Variants in ATAD2 observed in about 807,000 individuals in gnomAD.
The protein encoded by ATAD2 is ATPase family AAA domain containing 2, also known as ATPase family AAA domain-containing protein 2.
In ATAD2, 62 loss-of-function variants were observed where a neutral mutation model predicts 168.9. That is an observed-to-expected ratio of 0.37 (90% CI 0.30 to 0.45). The LOEUF is 0.45. ATAD2 is among the 20% of genes least tolerant of loss of function. The pLI, the probability that ATAD2 is intolerant of heterozygous loss-of-function variation, is 1.00. For synonymous variants in ATAD2, 613 were observed against 571.6 expected (o/e 1.07, Z -1.03); for missense variants, 1,419 against 1,667.8 (o/e 0.85, Z 2.60).
intron 8 of ATAD2, among the ~76,000 whole-genome samples, chr8:123,367,025 A>C (rs1295850281): frequency 6.6e-6 from 1 of 152,192 alleles, no homozygotes; most frequent in East Asian, 1.9e-4. Flanking sequence ...TTAAACACAC[A>C]TATCTGTCTA....
chr8:123,331,052 GGCTGGGATTACAGGAGGA>G (rs1242684855), intron 24 of ATAD2, among the ~76,000 whole-genome samples: 5 of 152,102 alleles, frequency 3.3e-5, no homozygotes, highest in African/African-American at 7.2e-5. Context: ...GTCCCTTGAG[GGCTGGGATTACAGGAGGA>G]GCTGGGATTA....
At position 123,347,103 on chromosome 8, in the gene ATAD2, G is replaced by A. The variant is rs1383264903; in HGVS notation, c.2201C>T (p.Thr734Ile). Reference protein sequence around the residue: ...FPHAEFRTNKTLDSDISCPLL... With the variant: ...FPHAEFRTNKILDSDISCPLL... ...ATCAAGTTTTATACCTGAGTCTAAT[G>A]TTTTATTTGTTCTGAATTCTGCATG... The change falls in exon 16 of 28, where the codon ACA (threonine) becomes ATA (isoleucine). Residue 734 changes from threonine (T) to isoleucine (I), a missense_variant. Transcript: ENST00000287394. 6.2e-7 allele frequency: 1 copy of A among 1,609,568 alleles called. No homozygotes were observed. Among genetic ancestry groups the A allele is most frequent in the Non-Finnish European group, 8.5e-7 (1 of 1,177,098 alleles).
chr8:123,340,244 G>T (rs1182057171), intron 19 of ATAD2, among the ~76,000 whole-genome samples: 1 of 152,004 alleles, frequency 6.6e-6, no homozygotes, highest in Non-Finnish European at 1.5e-5. Context: ...AACCCCAAAT[G>T]AGATATAAGA....
At chr8:123,360,801 C>G (rs531013070) in intron 9 of ATAD2, among the ~76,000 whole-genome samples, 1 of 152,246 alleles carries the variant, frequency 6.6e-6, no homozygotes, top group African/African-American at 2.4e-5. Context: ...AATCCTTGCT[C>G]TATCTCCCTT....
intron 24 of ATAD2, among the ~76,000 whole-genome samples, chr8:123,333,080 C>G (rs1334036149): frequency 6.6e-6 from 1 of 151,752 alleles, no homozygotes; most frequent in Non-Finnish European, 1.5e-5. Flanking sequence ...AACACACACA[C>G]AGAGATCTAA....
intron 1 of ATAD2, among the ~76,000 whole-genome samples, chr8:123,411,815 G>C (rs1480681411): frequency 6.6e-6 from 1 of 151,648 alleles, no homozygotes; most frequent in Non-Finnish European, 1.5e-5. Context: ...GCTTATAATA[G>C]AAAGTTTAGA....
At chr8:123,383,773 C>CA (rs766321394) in intron 1 of ATAD2, among the ~76,000 whole-genome samples, 3,541 of 130,768 alleles carry the variant, frequency 0.027, 53 homozygotes, top group Middle Eastern at 0.074. Flanking sequence ...AATTCAGTCT[C>CA]AAAAAAAAAA....
chr8:123,398,855 A>G (rs1812960957), upstream of ATAD2, among the ~76,000 whole-genome samples: 1 of 152,246 alleles, frequency 6.6e-6, no homozygotes, highest in African/African-American at 2.4e-5. Context: ...CAATAGAAAA[A>G]AACTTTAAAA....
chr8:123,359,676 T>C lies in ATAD2; in HGVS notation c.1167A>G (p.Pro389=), dbSNP rs758238646. 1 of 1,611,542 alleles carries C rather than the reference T, an allele frequency of 6.2e-7. No homozygotes were observed. Among genetic ancestry groups the C allele is most frequent in the Admixed American group, 1.7e-5 (1 of 59,660 alleles). The change falls in exon 10 of 28, where the codon CCA becomes CCG. Residue 389 remains proline, a synonymous_variant. Transcript: ENST00000287394. The part of the protein sequence containing the change: ...SRNRAINRCL[P]LNFRKDELKG... ...TTAATTCATCTTTCCGAAAATTTAG[T>C]GGGAGGCACCTATTTAAAAAGATTT...
intron 7 of ATAD2, 26 bp from the exon 8 acceptor site, chr8:123,369,201 A>ATTTCTTT: frequency 1.2e-6 from 1 of 811,866 alleles, no homozygotes; most frequent in Non-Finnish European, 1.7e-6. Context: ...ATATATATAT[A>ATTTCTTT]TTTGTATATA....
At chr8:123,393,777 C>T (rs942728653) in intron 1 of ATAD2, among the ~76,000 whole-genome samples, 1 of 151,760 alleles carries the variant, frequency 6.6e-6, no homozygotes, top group South Asian at 2.1e-4. Flanking sequence ...ATTAGGTAGG[C>T]GTGGTGGCGC....
intron 1 of ATAD2, among the ~76,000 whole-genome samples, chr8:123,406,962 T>C (rs1011079012): frequency 2.6e-5 from 4 of 152,142 alleles, no homozygotes; most frequent in African/African-American, 9.7e-5. Context: ...GTAATTAAAA[T>C]CTCGACATGA....
chr8:123,381,815 C>T (rs757597844), intron 1 of ATAD2, among the ~76,000 whole-genome samples: 6 of 152,062 alleles, frequency 3.9e-5, no homozygotes, highest in African/African-American at 7.2e-5. Flanking sequence ...TTGAGGTGGG[C>T]GGATCACTTG....
chr8:123,343,886 G>A (rs948994508), intron 19 of ATAD2, among the ~76,000 whole-genome samples: 2 of 152,152 alleles, frequency 1.3e-5, no homozygotes, highest in Non-Finnish European at 2.9e-5. Context: ...AGAGATTTGA[G>A]AAAAATAAAA....
intron 11 of ATAD2, 109 bp from the exon 12 acceptor site, chr8:123,357,845 T>C: frequency 2.7e-6 from 3 of 1,111,590 alleles, no homozygotes; most frequent in Non-Finnish European, 3.7e-6. Flanking sequence ...TTAAAATGTG[T>C]AAGACAACTG....
chr8:123,369,141 A>G lies in ATAD2; in HGVS notation c.966T>C (p.Tyr322=), dbSNP rs749005955. Residue 322 remains tyrosine (Y), a synonymous_variant, in exon 8 of 28, where the codon TAT becomes TAC. Coordinates refer to ENST00000287394, the MANE Select transcript of ATAD2 (RefSeq NM_014109.4). ...PRHQRKPNIF[Y]SGPASPARPR... is the part of the protein sequence containing the mutation. ...GTCTTGCAGGAGAAGCTGGGCCACT[A>G]TAAAATATGTTGGGCTTTCTCTGGT... The G allele has an allele frequency of 7.0e-6, 11 of 1,581,038 alleles. No homozygotes were observed. Among genetic ancestry groups the G allele is most frequent in the South Asian group, 1.2e-5 (1 of 86,078 alleles).
intron 1 of ATAD2, among the ~76,000 whole-genome samples, chr8:123,415,725 T>G (rs949670307): frequency 3.9e-5 from 6 of 151,960 alleles, no homozygotes; most frequent in Admixed American, 1.3e-4. Flanking sequence ...CTCCCGAGTA[T>G]CTGGGATTAC....
chr8:123,335,199 G>A (rs1827883499), intron 22 of ATAD2, among the ~76,000 whole-genome samples: 1 of 152,130 alleles, frequency 6.6e-6, no homozygotes, highest in African/African-American at 2.4e-5. Context: ...GACAGAAAGG[G>A]AGCAGCAGCA....
At chr8:123,337,485 AG>A in intron 21 of ATAD2, 139 bp downstream of exon 21, 1 of 720,894 alleles carries the variant, frequency 1.4e-6, no homozygotes, top group Non-Finnish European at 2.1e-6. Context: ...ACATGTGCTT[AG>A]GACACTAACC....
Sources: allele counts gnomAD v4.1 joint callset (sites outside exome capture counted in the v4.1 genomes callset), GRCh38; gene constraint gnomAD v4.1.1; transcripts MANE v1.5; gene names NCBI Gene and HGNC (gene_info 2026-07-23, HGNC 2026-07-21).